HMCN1: variants seen among roughly 807,000 people sequenced by gnomAD.
HMCN1 encodes hemicentin-1.
A neutral mutation model predicts 625.9 loss-of-function variants in HMCN1; 321 were observed. That is an observed-to-expected ratio of 0.51 (90% CI 0.47 to 0.56). The LOEUF (loss-of-function observed/expected upper bound fraction) is 0.56, where lower values mean the gene tolerates loss of function less well. Among genes scored for constraint, HMCN1 ranks in the 20% least tolerant of loss-of-function variants. The pLI, the probability that HMCN1 is intolerant of heterozygous loss-of-function variation, is 0.00. For synonymous variants in HMCN1, 2,425 were observed against 2,417.6 expected (o/e 1.00, Z -0.09); for missense variants, 6,588 against 6,887.3 (o/e 0.96, Z 1.54).
At chr1:185,872,983 G>A (rs530562730) in intron 4 of HMCN1, among the ~76,000 whole-genome samples, 1 of 152,154 alleles carries the variant, frequency 6.6e-6, no homozygotes, top group South Asian at 2.1e-4. Context: ...AAGCACAGAA[G>A]ACCTATATCT....
intron 1 of HMCN1, among the ~76,000 whole-genome samples, chr1:185,835,052 A>T (rs73054403): frequency 0.071 from 10,820 of 152,274 alleles, 1,240 homozygotes; most frequent in African/African-American, 0.24. Context: ...GTGTCTGCTA[A>T]TTGTTATGAA....
In HMCN1 at chr1:185,884,374, G is replaced by A. The variant is rs376665450; in HGVS notation, c.621+18511G>A. 4.0e-5 allele frequency among the ~76,000 whole-genome samples: 6 copies of A among 151,878 alleles called. No homozygotes were observed. In the East Asian group the frequency reaches 7.7e-4, roughly 19 times the overall value. ...AAAAAGCTCCTTATGCAGATATCTG[G>A]ACGCTCTTGTCTTCATAGCTCCCTT... On this transcript the variant is annotated intron_variant, in intron 4 of 106. Transcript: ENST00000271588.
intron 4 of HMCN1, among the ~76,000 whole-genome samples, chr1:185,876,075 A>G (rs749098388): frequency 1.3e-5 from 2 of 151,918 alleles, no homozygotes; most frequent in East Asian, 1.9e-4. Context: ...CCCTCCCCAC[A>G]TTTTGTAGTC....
Position 186,057,293 on chromosome 1 carries a change from A to T in HMCN1, c.7204A>T (p.Asn2402Tyr). 1 of 1,611,178 alleles carries T rather than the reference A, an allele frequency of 6.2e-7. No homozygotes were observed. ...TGAAAATATTAGTGTGGTAGAAAAG[A>T]ACTCAGTATCTTTGACTTGTGAAGC... ...SPENISVVEK[N>Y]SVSLTCEASG... Residue 2402 changes from asparagine (N) to tyrosine (Y), a missense_variant, in exon 46 of 107, where the codon AAC becomes TAC. Asn to Tyr is a moderately radical substitution (Grantham distance 143, BLOSUM62 -2). Transcript: ENST00000271588.
chr1:185,855,345 G>T (rs559970817), intron 2 of HMCN1, among the ~76,000 whole-genome samples: 116 of 152,224 alleles, frequency 7.6e-4, no homozygotes, highest in African/African-American at 2.8e-3. Context: ...AGAAGAGGAT[G>T]GTTACTGAAG....
rs1217177418 is a variant in HMCN1, at chr1:186,074,977, G to GT, written c.8290+93dup. On this transcript the variant is annotated intron_variant, in intron 53 of 106. Coordinates refer to ENST00000271588, the MANE Select transcript of HMCN1 (RefSeq NM_031935.3). The stretch of plus-strand genomic sequence containing the variant: ...AGAGATTTGACTTATTTTAAACAGT[G>GT]TTTTTTTCTGTTGACAATAATATAA... 136 of 1,098,910 alleles carry GT rather than the reference G, an allele frequency of 1.2e-4. 2 individuals are homozygous for GT. The South Asian group carries it at 1.5e-3, about 12-fold the overall frequency. 68.1% of individuals were successfully genotyped at this position (1,098,910 alleles called of 1,614,324 possible).
chr1:185,773,331 T>C (rs1464678466), intron 1 of HMCN1, among the ~76,000 whole-genome samples: 1 of 152,204 alleles, frequency 6.6e-6, no homozygotes, highest in Non-Finnish European at 1.5e-5. Context: ...CTGAAAAACT[T>C]TGATCTAAGC....
At position 185,888,991 on chromosome 1, in the gene HMCN1, G is replaced by A. The variant is rs1237977336; in HGVS notation, c.622-20346G>A. The stretch of plus-strand genomic sequence containing the variant: ...GTGTCCTCTTTTATTTCCTTGAGCA[G>A]CGGTTTGTAGTTCTCCTTGAAGAGG... On this transcript the variant is annotated intron_variant, in intron 4 of 106. Transcript: ENST00000271588. Among the ~76,000 whole-genome samples, 8 of 146,596 alleles carry A rather than the reference G, an allele frequency of 5.5e-5. 1 individual carries two copies. The highest frequency in any genetic ancestry group is 2.2e-4 in the African/African-American group (8 of 36,142).
At chr1:186,182,128 T>C (rs748674368) in intron 104 of HMCN1, 40 bp from the exon 105 acceptor site, 2 of 1,611,214 alleles carry the variant, frequency 1.2e-6, no homozygotes, top group Non-Finnish European at 1.7e-6. Context: ...GTCTGCTTTT[T>C]TCTTGTGTAG....
chr1:185,945,847 T>G (rs1017271636), intron 11 of HMCN1, among the ~76,000 whole-genome samples: 4 of 152,206 alleles, frequency 2.6e-5, no homozygotes, highest in Non-Finnish European at 4.4e-5. Flanking sequence ...TTCTTTTCAC[T>G]CTTGTCTTTA....
chr1:185,980,802 T>C (rs1651573474), intron 16 of HMCN1, among the ~76,000 whole-genome samples, 176 bp from the exon 17 acceptor site: 1 of 152,204 alleles, frequency 6.6e-6, no homozygotes, highest in Non-Finnish European at 1.5e-5. Flanking sequence ...GCTCACTGTC[T>C]GGAACTCTTT....
At chr1:185,836,722 C>A (rs1381498995) in intron 1 of HMCN1, among the ~76,000 whole-genome samples, 1 of 152,046 alleles carries the variant, frequency 6.6e-6, no homozygotes, top group Non-Finnish European at 1.5e-5. Flanking sequence ...CAGATTATTT[C>A]ATCACCCGGG....
intron 36 of HMCN1, among the ~76,000 whole-genome samples, chr1:186,030,906 T>C (rs754609245): frequency 7.9e-5 from 12 of 152,058 alleles, no homozygotes; most frequent in Non-Finnish European, 1.8e-4. Flanking sequence ...TTCAACAGTA[T>C]ACAAAAATTT....
At chr1:186,154,116 T>A (rs998295361) in intron 97 of HMCN1, 129 bp downstream of exon 97, 2 of 772,262 alleles carry the variant, frequency 2.6e-6, no homozygotes, top group Non-Finnish European at 4.4e-6. Flanking sequence ...GTCTATGCCT[T>A]TTTGTTAAGT....
chr1:185,952,082 G>A (rs76100523), intron 11 of HMCN1, among the ~76,000 whole-genome samples: 2 of 151,848 alleles, frequency 1.3e-5, no homozygotes, highest in African/African-American at 4.9e-5. Flanking sequence ...TGCCAAACGA[G>A]CCATGAACTG....
Position 186,038,815 on chromosome 1 carries a change from C to A in HMCN1, c.5852-14C>A, listed in dbSNP as rs753605976. Reference sequence around the variant, plus strand: ...AATTTTTACATAGATCATCTTCTCCCCTTCTTCTTTCAGTTATTACATGGT... The same window carrying A: ...AATTTTTACATAGATCATCTTCTCCACTTCTTCTTTCAGTTATTACATGGT... On this transcript the variant is annotated splice_polypyrimidine_tract_variant and intron_variant, in intron 37 of 106. Coordinates refer to ENST00000271588, the MANE Select transcript of HMCN1 (RefSeq NM_031935.3). 8 of 1,560,234 alleles carry A rather than the reference C, an allele frequency of 5.1e-6. No homozygotes were observed. Among genetic ancestry groups the A allele is most frequent in the Non-Finnish European group, 7.1e-6 (8 of 1,131,246 alleles).
At chr1:185,921,285 C>T (rs1317189788) in intron 6 of HMCN1, among the ~76,000 whole-genome samples, 1 of 152,036 alleles carries the variant, frequency 6.6e-6, no homozygotes, top group East Asian at 1.9e-4. Context: ...ATTTTACTAC[C>T]CTTTGAGTTC....
intron 4 of HMCN1, among the ~76,000 whole-genome samples, chr1:185,894,026 T>C (rs112167173): frequency 0.063 from 9,632 of 151,802 alleles, 1,065 homozygotes; most frequent in African/African-American, 0.22. Flanking sequence ...TCCCAGCTAC[T>C]CTGGAGGCTG....
At chr1:186,000,007 T>C (rs1247995243) in intron 25 of HMCN1, 38 bp from the exon 26 acceptor site, 2 of 1,413,008 alleles carry the variant, frequency 1.4e-6, no homozygotes, top group Non-Finnish European at 2.0e-6. Context: ...TTTCTGTTTT[T>C]GTTGTAAAAT....
Sources: gnomAD v4.1 joint callset for allele counts (sites outside exome capture counted in the v4.1 genomes callset) on GRCh38, gnomAD v4.1.1 for gene constraint, MANE v1.5 for transcripts, NCBI Gene and HGNC (gene_info 2026-07-23, HGNC 2026-07-21) for gene names.